DAB1: variants seen among roughly 807,000 people sequenced by gnomAD.
DAB1 encodes the protein disabled homolog 1.
A neutral mutation model predicts 64.6 loss-of-function variants in DAB1; 15 were observed. The observed-to-expected ratio is 0.23, with a 90% confidence interval of 0.16 to 0.36. DAB1 has a LOEUF of 0.36. Ranked by LOEUF, DAB1 falls within the 10% of genes least tolerant of loss-of-function variation. DAB1 has a pLI of 1.00. For synonymous variants in DAB1, 235 were observed against 251.9 expected, an observed-to-expected ratio of 0.93 and a Z score of 0.64; for missense variants, 596 against 706.7, an observed-to-expected ratio of 0.84 and a Z score of 1.78.
intron 1 of DAB1, among the ~76,000 whole-genome samples, chr1:57,835,318 G>A (rs913105008): frequency 1.2e-4 from 18 of 152,096 alleles, no homozygotes; most frequent in Admixed American, 1.2e-3. Flanking sequence ...CAGCATCACT[G>A]TCAACTTTCA....
At chr1:57,886,244 C>T (rs765383389), upstream of DAB1, among the ~76,000 whole-genome samples, 23 of 151,996 alleles carry the variant, frequency 1.5e-4, no homozygotes, top group Non-Finnish European at 2.4e-4. Flanking sequence ...CTGCAACCTC[C>T]GCCTCCCGGC....
At chr1:58,360,918 A>C (rs1644158352) in intron 3 of DAB1, among the ~76,000 whole-genome samples, 1 of 152,202 alleles carries the variant, frequency 6.6e-6, no homozygotes. Flanking sequence ...ATTCTAAATA[A>C]ATTGCTTTGT....
At chr1:57,801,836 T>G (rs1379212835) in intron 6 of DAB1, among the ~76,000 whole-genome samples, 3 of 152,142 alleles carry the variant, frequency 2.0e-5, no homozygotes, top group Admixed American at 1.3e-4. Context: ...TTTTGTATTT[T>G]TGATACAGAT....
intron 5 of DAB1, among the ~76,000 whole-genome samples, chr1:57,983,626 C>T (rs758198600): frequency 3.3e-5 from 5 of 152,166 alleles, no homozygotes; most frequent in Non-Finnish European, 7.3e-5. Flanking sequence ...TTAAGAGTCA[C>T]TGAGTGAGGA....
At chr1:57,875,196 T>C (rs889883233) in intron 1 of DAB1, 1 of 152,270 alleles carries the variant, frequency 6.6e-6, no homozygotes, top group Non-Finnish European at 1.5e-5. Flanking sequence ...CAAGTATGTC[T>C]ATTTGCACAG....
At chr1:57,635,966 G>A (rs1300646378) in intron 7 of DAB1, among the ~76,000 whole-genome samples, 3 of 151,862 alleles carry the variant, frequency 2.0e-5, no homozygotes, top group East Asian at 1.9e-4. Context: ...GCGCGGTGGC[G>A]GGCGCCTGTA....
intron 1 of DAB1, among the ~76,000 whole-genome samples, chr1:57,335,238 G>A (rs114358435): frequency 0.011 from 1,606 of 151,284 alleles, 29 homozygotes; most frequent in African/African-American, 0.035. Context: ...GCAACTTTAC[G>A]TGCCCCGATC....
intron 3 of DAB1, among the ~76,000 whole-genome samples, chr1:58,388,088 A>G (rs1055147072): frequency 7.9e-5 from 12 of 152,180 alleles, no homozygotes; most frequent in Admixed American, 3.3e-4. Flanking sequence ...TCAGATAAGG[A>G]AATTCCAGAG....
chr1:57,011,032 G>T, intron 13 of DAB1, 113 bp downstream of exon 13: 1 of 1,387,082 alleles, frequency 7.2e-7, no homozygotes. Context: ...GAGAACTTAT[G>T]AGATTGAGCC....
chr1:57,121,647 G>A (rs534339040), intron 4 of DAB1, among the ~76,000 whole-genome samples: 14 of 152,276 alleles, frequency 9.2e-5, no homozygotes, highest in Admixed American at 3.3e-4. Flanking sequence ...CCTATGTCCT[G>A]AATGGTATTG....
chr1:58,506,245 C>G, intron 2 of DAB1: 1 of 840,262 alleles, frequency 1.2e-6, no homozygotes, highest in Non-Finnish European at 2.1e-6. Flanking sequence ...ACAATGAGCT[C>G]AGTTTTGAGG....
At chr1:57,850,965 C>G (rs1425571447) in intron 1 of DAB1, among the ~76,000 whole-genome samples, 1 of 152,178 alleles carries the variant, frequency 6.6e-6, no homozygotes, top group Non-Finnish European at 1.5e-5. Flanking sequence ...TGCAAGCCCC[C>G]CAAGGCTTAG....
intron 3 of DAB1, among the ~76,000 whole-genome samples, chr1:58,491,750 C>G (rs1452662737): frequency 6.6e-6 from 1 of 152,160 alleles, no homozygotes; most frequent in Non-Finnish European, 1.5e-5. Context: ...TACAGGAGCA[C>G]CCAGATTCAT....
chr1:57,203,728 C>A (rs1665297053), intron 2 of DAB1, among the ~76,000 whole-genome samples: 1 of 152,098 alleles, frequency 6.6e-6, no homozygotes, highest in South Asian at 2.1e-4. Context: ...TATTCTAATC[C>A]AAGCCCATAC....
chr1:57,705,794 G>A (rs188910591), intron 6 of DAB1, among the ~76,000 whole-genome samples: 1 of 151,420 alleles, frequency 6.6e-6, no homozygotes, highest in Non-Finnish European at 1.5e-5. Flanking sequence ...ATATGACACT[G>A]CTGCATCCCA....
chr1:57,734,022 C>T (rs1647563608), intron 6 of DAB1, among the ~76,000 whole-genome samples: 1 of 152,096 alleles, frequency 6.6e-6, no homozygotes, highest in South Asian at 2.1e-4. Context: ...TTTCACCCAG[C>T]CCCCAGGGTT....
chr1:57,749,107 G>A (rs1043022700), intron 6 of DAB1, among the ~76,000 whole-genome samples: 1 of 152,188 alleles, frequency 6.6e-6, no homozygotes, highest in Non-Finnish European at 1.5e-5. Flanking sequence ...AATCAGATGT[G>A]TACATGACTA....
At chr1:58,045,726 A>G (rs1647226859) in intron 5 of DAB1, among the ~76,000 whole-genome samples, 1 of 151,952 alleles carries the variant, frequency 6.6e-6, no homozygotes, top group African/African-American at 2.4e-5. Context: ...CTTCCCTTGC[A>G]TCTTTGTTTT....
chr1:57,261,383 C>T (rs556970799), intron 2 of DAB1, among the ~76,000 whole-genome samples: 69 of 152,238 alleles, frequency 4.5e-4, no homozygotes, highest in African/African-American at 1.6e-3. Flanking sequence ...ATTTCTCCCT[C>T]GCCCCAATCC....
Sources: gnomAD v4.1 joint callset for allele counts (sites outside exome capture counted in the v4.1 genomes callset) on GRCh38, gnomAD v4.1.1 for gene constraint, MANE v1.5 for transcripts, NCBI Gene and HGNC (gene_info 2026-07-23, HGNC 2026-07-21) for gene names.